Variants in TAFA2 observed in about 807,000 individuals in gnomAD.
TAFA2 encodes the protein TAFA chemokine like family member 2.
Under a neutral mutation model 18.8 loss-of-function variants are expected in TAFA2, and 7 were observed. That is an observed-to-expected ratio of 0.37 (90% CI 0.21 to 0.70). TAFA2 has a LOEUF of 0.70. Ranked by LOEUF, TAFA2 falls within the 30% of genes least tolerant of loss-of-function variation. TAFA2 has a pLI of 0.53. For synonymous variants in TAFA2, 60 were observed against 54.2 expected (o/e 1.11, Z -0.47); for missense variants, 122 against 158.1 (o/e 0.77, Z 1.23).
At chr12:62,104,601 G>C in intron 1 of TAFA2, 1 of 393,262 alleles carries the variant, frequency 2.5e-6, no homozygotes. Context: ...AGAGATTCCA[G>C]AGAATGAAAG....
intron 4 of TAFA2, among the ~76,000 whole-genome samples, chr12:61,730,455 G>T (rs531826389): frequency 3.9e-5 from 6 of 152,154 alleles, no homozygotes; most frequent in Admixed American, 2.6e-4. Context: ...TCAGGCAATG[G>T]GTGGGGCCGT....
rs530424035 is a variant in TAFA2 at position 62,115,989 on chromosome 12, A to G, written c.-2+75270T>C. On this transcript the variant is annotated intron_variant, in intron 1 of 4. Transcript: ENST00000416284. ...ATAACAGAAAGTCATATGGAGAGAA[A>G]AAGGAATCATTAACTAATCTAGGAA... Among the ~76,000 whole-genome samples, 3 of 152,346 alleles carry G rather than the reference A, an allele frequency of 2.0e-5. No individual in the cohort carries two copies. The East Asian group carries it at 5.8e-4, about 29-fold the overall frequency.
intron 2 of TAFA2, among the ~76,000 whole-genome samples, chr12:61,830,564 G>A (rs924250124): frequency 6.6e-6 from 1 of 151,838 alleles, no homozygotes; most frequent in Admixed American, 6.6e-5. Flanking sequence ...TGGGCATAGA[G>A]GGGAAATAAT....
At chr12:61,788,340 C>G (rs1870825923) in intron 2 of TAFA2, among the ~76,000 whole-genome samples, 1 of 151,686 alleles carries the variant, frequency 6.6e-6, no homozygotes. Flanking sequence ...TTAAACTGCA[C>G]TCAAGCTCAA....
chr12:61,950,057 T>G (rs1368007881), intron 1 of TAFA2, among the ~76,000 whole-genome samples: 1 of 152,180 alleles, frequency 6.6e-6, no homozygotes, highest in Non-Finnish European at 1.5e-5. Flanking sequence ...CTTAGCATAA[T>G]GTCCTCAAGT....
intron 2 of TAFA2, among the ~76,000 whole-genome samples, chr12:61,853,408 T>A (rs1458172330): frequency 1.3e-5 from 2 of 152,166 alleles, no homozygotes; most frequent in East Asian, 1.9e-4. Flanking sequence ...ATAAAAAAAA[T>A]TTAAAACAGC....
At chr12:61,850,465 T>A (rs1873596490) in intron 2 of TAFA2, among the ~76,000 whole-genome samples, 1 of 152,062 alleles carries the variant, frequency 6.6e-6, no homozygotes, top group African/African-American at 2.4e-5. Flanking sequence ...AACAAATACT[T>A]TTCAATTAAT....
intron 1 of TAFA2, among the ~76,000 whole-genome samples, chr12:62,067,458 T>C (rs1882520087): frequency 6.6e-6 from 1 of 152,132 alleles, no homozygotes. Context: ...GTCTTAGATT[T>C]AAGTCTTTAA....
chr12:61,907,141 C>G (rs1446094713), intron 1 of TAFA2, among the ~76,000 whole-genome samples: 2 of 152,202 alleles, frequency 1.3e-5, no homozygotes, highest in African/African-American at 4.8e-5. Flanking sequence ...AACAGATTTG[C>G]ATAAGCAATG....
intron 2 of TAFA2, among the ~76,000 whole-genome samples, chr12:61,794,623 A>C (rs1411599782): frequency 6.6e-6 from 1 of 151,986 alleles, no homozygotes; most frequent in Non-Finnish European, 1.5e-5. Flanking sequence ...TTGTAATCCT[A>C]ACTGACACCA....
chr12:62,166,727 A>G (rs1256619776), intron 1 of TAFA2, among the ~76,000 whole-genome samples: 1 of 152,208 alleles, frequency 6.6e-6, no homozygotes, highest in Non-Finnish European at 1.5e-5. Context: ...CATCTGTTCC[A>G]GTCACAAGTT....
At chr12:61,726,682 G>T (rs1408963446) in intron 4 of TAFA2, among the ~76,000 whole-genome samples, 1 of 152,028 alleles carries the variant, frequency 6.6e-6, no homozygotes, top group African/African-American at 2.4e-5. Context: ...CCAGTGAACA[G>T]TGACAGTTTG....
intron 4 of TAFA2, among the ~76,000 whole-genome samples, chr12:61,710,977 AAAT>A (rs1186036104): frequency 2.6e-5 from 4 of 152,080 alleles, no homozygotes; most frequent in African/African-American, 9.6e-5. Flanking sequence ...TGGGGGACAA[AAAT>A]ATCTGAGGAA....
intron 1 of TAFA2, among the ~76,000 whole-genome samples, chr12:62,095,392 GA>G (rs1287430486): frequency 6.6e-6 from 1 of 152,130 alleles, no homozygotes; most frequent in African/African-American, 2.4e-5. Flanking sequence ...ATGACACTGT[GA>G]TAGAGAATAA....
intron 2 of TAFA2, among the ~76,000 whole-genome samples, chr12:61,762,163 C>T (rs1440622314): frequency 6.6e-6 from 1 of 152,042 alleles, no homozygotes; most frequent in Non-Finnish European, 1.5e-5. Context: ...TTATAAATTA[C>T]CCAGTCTCAG....
chr12:61,937,614 T>C (rs1045493206), intron 1 of TAFA2, among the ~76,000 whole-genome samples: 34 of 152,192 alleles, frequency 2.2e-4, no homozygotes, highest in African/African-American at 8.0e-4. Context: ...TGTAGAAGAA[T>C]GAACCTGGAT....
intron 1 of TAFA2, among the ~76,000 whole-genome samples, chr12:62,142,346 T>C (rs1357360701): frequency 6.6e-6 from 1 of 152,206 alleles, no homozygotes; most frequent in Non-Finnish European, 1.5e-5. Flanking sequence ...TTATAAATAC[T>C]GTAAGAAAAC....
intron 1 of TAFA2, among the ~76,000 whole-genome samples, chr12:62,059,709 T>C (rs1294729861): frequency 6.6e-6 from 1 of 152,198 alleles, no homozygotes; most frequent in Non-Finnish European, 1.5e-5. Flanking sequence ...TTATCTTGAA[T>C]AATTTTCAGT....
intron 1 of TAFA2, among the ~76,000 whole-genome samples, chr12:61,980,057 A>G (rs1879575930): frequency 6.6e-6 from 1 of 152,120 alleles, no homozygotes; most frequent in African/African-American, 2.4e-5. Context: ...ATTACCTTTA[A>G]AATATATTTT....
Sources: allele counts gnomAD v4.1 joint callset (sites outside exome capture counted in the v4.1 genomes callset), GRCh38; gene constraint gnomAD v4.1.1; transcripts MANE v1.5; gene names NCBI Gene and HGNC (gene_info 2026-07-23, HGNC 2026-07-21).